KREMEN1: variants seen among roughly 807,000 people sequenced by gnomAD.
KREMEN1 encodes kremen protein 1.
Under a neutral mutation model 46.5 loss-of-function variants are expected in KREMEN1, and 30 were observed. That is an observed-to-expected ratio of 0.65 (90% CI 0.48 to 0.88). The LOEUF (loss-of-function observed/expected upper bound fraction) is 0.88. KREMEN1 is among the 40% of genes least tolerant of loss of function. The pLI, the probability that KREMEN1 is intolerant of heterozygous loss-of-function variation, is 0.00. For synonymous variants in KREMEN1, 214 were observed against 230.6 expected, an observed-to-expected ratio of 0.93 and a Z score of 0.65; for missense variants, 533 against 596.9, an observed-to-expected ratio of 0.89 and a Z score of 1.11.
At chr22:29,099,143 C>A (rs1243493210) in intron 3 of KREMEN1, 190 bp downstream of exon 3, 3 of 556,092 alleles carry the variant, frequency 5.4e-6, no homozygotes, top group Non-Finnish European at 9.6e-6. Flanking sequence ...ATGCTGATTT[C>A]CTTAGCACCT....
intron 1 of KREMEN1, among the ~76,000 whole-genome samples, chr22:29,081,846 C>T (rs73882458): frequency 4.6e-5 from 7 of 152,148 alleles, no homozygotes; most frequent in Admixed American, 1.3e-4. Context: ...TTTGTTGCTT[C>T]GAGTTTTACT....
chr22:29,124,329 T>C (rs997387032), intron 4 of KREMEN1, among the ~76,000 whole-genome samples: 4 of 152,156 alleles, frequency 2.6e-5, no homozygotes, highest in Admixed American at 6.6e-5. Flanking sequence ...TATATGATTC[T>C]ATTTATGTGA....
At chr22:29,167,184 C>T (rs956513816) in exon 10 of KREMEN1, 7 of 1,158,938 alleles carry the variant, frequency 6.0e-6, no homozygotes, top group Non-Finnish European at 8.9e-6. Flanking sequence ...CATTGCCTCT[C>T]CTCGCACAGA....
In KREMEN1 at chr22:29,076,383, A is replaced by G. The variant is rs866563941; in HGVS notation, c.97+3156A>G. 2.6e-5 allele frequency among the ~76,000 whole-genome samples: 4 copies of G among 152,318 alleles called. No homozygotes were observed. The Middle Eastern group carries it at 0.014, about 518-fold the overall frequency. Reference sequence around the variant, plus strand: ...AATTCTTGGTTCTCTTGGGGACTTCATTAATGCTAATAGAATTACCTGTAA... The same window carrying G: ...AATTCTTGGTTCTCTTGGGGACTTCGTTAATGCTAATAGAATTACCTGTAA... On this transcript the variant is annotated intron_variant, in intron 1 of 8. Transcript: ENST00000400335.
intron 1 of KREMEN1, among the ~76,000 whole-genome samples, chr22:29,078,766 C>T (rs1255925123): frequency 6.6e-6 from 1 of 152,136 alleles, no homozygotes; most frequent in Admixed American, 6.6e-5. Flanking sequence ...GAGTGTCTGC[C>T]GCCTGAATAA....
chr22:29,089,369 G>A (rs972456271), intron 1 of KREMEN1, among the ~76,000 whole-genome samples: 2 of 152,062 alleles, frequency 1.3e-5, no homozygotes, highest in African/African-American at 4.8e-5. Context: ...CTGTCTCTCA[G>A]ACCCTGTATC....
chr22:29,100,244 TA>T (rs963758205), intron 3 of KREMEN1, among the ~76,000 whole-genome samples: 41 of 152,002 alleles, frequency 2.7e-4, no homozygotes, highest in African/African-American at 9.6e-4. Context: ...GCCTCCCGAG[TA>T]GCTGGGATTA....
intron 3 of KREMEN1, among the ~76,000 whole-genome samples, chr22:29,109,138 G>T (rs527981765): frequency 8.6e-5 from 13 of 151,958 alleles, no homozygotes; most frequent in Admixed American, 8.5e-4. Flanking sequence ...TTATTTTTTG[G>T]TTTTTGCCAG....
intron 2 of KREMEN1, among the ~76,000 whole-genome samples, chr22:29,096,352 T>C (rs370329278): frequency 4.2e-4 from 64 of 152,340 alleles, no homozygotes; most frequent in Middle Eastern, 3.4e-3. Flanking sequence ...GAGCTCATGT[T>C]TTTAAGTCTG....
intron 2 of KREMEN1, among the ~76,000 whole-genome samples, chr22:29,095,410 T>G (rs2037869186): frequency 6.6e-6 from 1 of 152,234 alleles, no homozygotes; most frequent in African/African-American, 2.4e-5. Context: ...CACTGGTATG[T>G]AGGGTCCAGA....
At chr22:29,133,650 GT>G (rs1315619620) in intron 5 of KREMEN1, among the ~76,000 whole-genome samples, 1 of 112,870 alleles carries the variant, frequency 8.9e-6, no homozygotes, top group Non-Finnish European at 2.1e-5. Flanking sequence ...TTCTTTGTCT[GT>G]TTTTTTTTGT....
intron 1 of KREMEN1, among the ~76,000 whole-genome samples, 177 bp from the exon 2 acceptor site, chr22:29,094,081 G>GATTTATTCA (rs2037841054): frequency 6.6e-6 from 1 of 152,194 alleles, no homozygotes; most frequent in Non-Finnish European, 1.5e-5. Context: ...AGCTTTTTGA[G>GATTTATTCA]GGTACCTTGT....
intron 1 of KREMEN1, among the ~76,000 whole-genome samples, chr22:29,092,680 A>C (rs755025599): frequency 6.6e-6 from 1 of 152,162 alleles, no homozygotes; most frequent in Non-Finnish European, 1.5e-5. Context: ...CAAACATGAT[A>C]AATTGTTAGG....
intron 1 of KREMEN1, among the ~76,000 whole-genome samples, chr22:29,075,904 A>T (rs1324305542): frequency 6.6e-6 from 1 of 152,224 alleles, no homozygotes; most frequent in Non-Finnish European, 1.5e-5. Flanking sequence ...TTATAAAAAC[A>T]GTTAGCTCAT....
chr22:29,091,097 C>T (rs2037797388), intron 1 of KREMEN1, among the ~76,000 whole-genome samples: 1 of 152,208 alleles, frequency 6.6e-6, no homozygotes, highest in Non-Finnish European at 1.5e-5. Flanking sequence ...CCTCAGCTTC[C>T]CAAGTAGCTG....
intron 6 of KREMEN1, among the ~76,000 whole-genome samples, chr22:29,137,985 G>C (rs1454022338): frequency 1.3e-5 from 2 of 152,198 alleles, no homozygotes; most frequent in Non-Finnish European, 2.9e-5. Context: ...GCTGAGACTG[G>C]GACAGTTGGA....
chr22:29,150,833 C>T (rs1348542921), downstream of KREMEN1, among the ~76,000 whole-genome samples: 1 of 152,206 alleles, frequency 6.6e-6, no homozygotes, highest in East Asian at 1.9e-4. Context: ...GACCAACAGA[C>T]ATTACCGAAT....
chr22:29,095,988 A>G (rs2037877592), intron 2 of KREMEN1, among the ~76,000 whole-genome samples: 1 of 152,206 alleles, frequency 6.6e-6, no homozygotes, highest in African/African-American at 2.4e-5. Flanking sequence ...CCCAGAGACA[A>G]CCAATTTGGG....
At chr22:29,094,464 C>G in intron 2 of KREMEN1, 44 bp downstream of exon 2, 1 of 1,527,798 alleles carries the variant, frequency 6.5e-7, no homozygotes, top group Non-Finnish European at 8.9e-7. Context: ...AGATATATAT[C>G]TAGTCTCTTC....
Sources: allele counts gnomAD v4.1 joint callset (sites outside exome capture counted in the v4.1 genomes callset), GRCh38; gene constraint gnomAD v4.1.1; transcripts MANE v1.5; gene names NCBI Gene and HGNC (gene_info 2026-07-23, HGNC 2026-07-21).